Variants in ZSCAN5A observed in about 807,000 individuals in gnomAD.
The protein encoded by ZSCAN5A is zinc finger and SCAN domain-containing protein 5A.
A neutral mutation model predicts 23.7 loss-of-function variants in ZSCAN5A; 12 were observed. That is an observed-to-expected ratio of 0.51 (90% CI 0.32 to 0.82). The LOEUF (loss-of-function observed/expected upper bound fraction) is 0.82, where lower values mean the gene tolerates loss of function less well. Ranked by LOEUF, ZSCAN5A falls within the 40% of genes least tolerant of loss-of-function variation. The pLI is 0.03. For missense variants in ZSCAN5A, 597 were observed against 617.9 expected (o/e 0.97, Z 0.36); for synonymous variants, 257 against 239.9 (o/e 1.07, Z -0.66).
chr19:56,325,774 A>G (rs1029350612), intron 2 of ZSCAN5A, among the ~76,000 whole-genome samples: 3 of 152,156 alleles, frequency 2.0e-5, no homozygotes, highest in African/African-American at 7.2e-5. Flanking sequence ...TTCAGGGCCT[A>G]GATTTTATGA....
chr19:56,228,500 G>A (rs951675405), intron 2 of ZSCAN5A: 3 of 943,180 alleles, frequency 3.2e-6, no homozygotes, highest in African/African-American at 1.8e-5. Flanking sequence ...AATATTTCCC[G>A]CTCTACTGAG....
At chr19:56,367,653 G>A (rs1184831754) in intron 1 of ZSCAN5A, among the ~76,000 whole-genome samples, 1 of 152,202 alleles carries the variant, frequency 6.6e-6, no homozygotes, top group Non-Finnish European at 1.5e-5. Context: ...GCACATTTAT[G>A]AGCACTTAAT....
chr19:56,247,163 G>C (rs149809116), intron 2 of ZSCAN5A: 3 of 623,172 alleles, frequency 4.8e-6, no homozygotes, highest in Non-Finnish European at 8.7e-6. Context: ...TTCTGTGAGA[G>C]GTGCTTCACG....
intron 2 of ZSCAN5A, among the ~76,000 whole-genome samples, chr19:56,336,879 C>T (rs1256292362): frequency 6.6e-6 from 1 of 152,188 alleles, no homozygotes; most frequent in Non-Finnish European, 1.5e-5. Flanking sequence ...GTATCAGCAG[C>T]AGTGGCTGCA....
intron 2 of ZSCAN5A, among the ~76,000 whole-genome samples, chr19:56,240,111 G>A (rs2035310154): frequency 6.6e-6 from 1 of 151,716 alleles, no homozygotes; most frequent in Non-Finnish European, 1.5e-5. Context: ...GCAGTGAGCC[G>A]AGATCACGCC....
chr19:56,334,277 C>T (rs2041515204), intron 2 of ZSCAN5A, among the ~76,000 whole-genome samples: 1 of 152,170 alleles, frequency 6.6e-6, no homozygotes, highest in Non-Finnish European at 1.5e-5. Flanking sequence ...TATAGACCAC[C>T]CCACTGCACC....
At chr19:56,330,130 T>C (rs2041476147) in intron 2 of ZSCAN5A, among the ~76,000 whole-genome samples, 1 of 152,188 alleles carries the variant, frequency 6.6e-6, no homozygotes, top group African/African-American at 2.4e-5. Context: ...TAATGGTTTC[T>C]ACCTGCATCG....
intron 2 of ZSCAN5A, among the ~76,000 whole-genome samples, chr19:56,304,061 A>T (rs894449221): frequency 6.6e-6 from 1 of 152,130 alleles, no homozygotes; most frequent in Non-Finnish European, 1.5e-5. Flanking sequence ...CGCCAGCAAG[A>T]TCCCTTCTGA....
chr19:56,223,037 C>G (rs573808620), intron 4 of ZSCAN5A, among the ~76,000 whole-genome samples: 2 of 152,164 alleles, frequency 1.3e-5, no homozygotes, highest in African/African-American at 4.8e-5. Context: ...CTGCACCTGA[C>G]ACTGGAAGGA....
chr19:56,247,354 C>A, intron 2 of ZSCAN5A: 1 of 232,986 alleles, frequency 4.3e-6, no homozygotes, highest in South Asian at 6.8e-5. Context: ...CAGGAAGAAC[C>A]TGAACGAGCA....
intron 2 of ZSCAN5A, chr19:56,245,172 C>G (rs1321970606): frequency 2.0e-6 from 1 of 492,378 alleles, no homozygotes; most frequent in African/African-American, 2.0e-5. Flanking sequence ...AATATGAGAG[C>G]TACTTTCAGG....
intron 2 of ZSCAN5A, among the ~76,000 whole-genome samples, chr19:56,252,170 T>G (rs189893495): frequency 6.6e-6 from 1 of 152,184 alleles, no homozygotes; most frequent in African/African-American, 2.4e-5. Flanking sequence ...GCCTGTCAAG[T>G]GATAATGGAT....
chr19:56,301,294 G>A (rs1427998335), intron 2 of ZSCAN5A, among the ~76,000 whole-genome samples: 2 of 152,186 alleles, frequency 1.3e-5, no homozygotes, highest in Admixed American at 6.5e-5. Flanking sequence ...GAGTTTTCCA[G>A]GGAAGGAGTG....
chr19:56,337,035 C>CCTAA, intron 2 of ZSCAN5A, among the ~76,000 whole-genome samples: 4 of 152,208 alleles, frequency 2.6e-5, no homozygotes, highest in Non-Finnish European at 5.9e-5. Flanking sequence ...GGGTCAGGGA[C>CCTAA]CCACTTGAGG....
chr19:56,233,055 A>G (rs899061803), intron 2 of ZSCAN5A, among the ~76,000 whole-genome samples: 3 of 152,236 alleles, frequency 2.0e-5, no homozygotes, highest in Admixed American at 2.0e-4. Context: ...CTATGAAGGC[A>G]GAGGCATTCG....
chr19:56,251,064 C>G (rs981308281), intron 2 of ZSCAN5A, among the ~76,000 whole-genome samples: 4 of 151,512 alleles, frequency 2.6e-5, no homozygotes, highest in African/African-American at 4.9e-5. Context: ...GCAGGAGAAT[C>G]GCTTGAACCC....
intron 2 of ZSCAN5A, among the ~76,000 whole-genome samples, chr19:56,290,137 T>G (rs1402607406): frequency 1.3e-5 from 2 of 152,228 alleles, no homozygotes; most frequent in Non-Finnish European, 2.9e-5. Context: ...ACCTTCTGCA[T>G]GAGAATACCA....
intron 2 of ZSCAN5A, among the ~76,000 whole-genome samples, chr19:56,277,735 G>A (rs763003711): frequency 6.6e-6 from 1 of 151,922 alleles, no homozygotes; most frequent in Non-Finnish European, 1.5e-5. Context: ...AAAAAATAAG[G>A]ATAATAGAGA....
intron 2 of ZSCAN5A, among the ~76,000 whole-genome samples, chr19:56,333,107 T>C (rs764952435): frequency 6.6e-6 from 1 of 152,008 alleles, no homozygotes; most frequent in Non-Finnish European, 1.5e-5. Flanking sequence ...TTTTTAGTAT[T>C]GATGGTAGAC....
Sources: allele counts gnomAD v4.1 joint callset (sites outside exome capture counted in the v4.1 genomes callset), GRCh38; gene constraint gnomAD v4.1.1; transcripts MANE v1.5; gene names NCBI Gene and HGNC (gene_info 2026-07-23, HGNC 2026-07-21).